RAF1: variants seen among roughly 807,000 people sequenced by gnomAD.
RAF1 encodes the protein Raf-1 proto-oncogene, serine/threonine kinase, also known as RAF proto-oncogene serine/threonine-protein kinase.
Under a neutral mutation model 81.1 loss-of-function variants are expected in RAF1, and 27 were observed. The ratio of observed to expected loss-of-function variants is 0.33; its 90% CI spans 0.25 to 0.46. RAF1 has a LOEUF of 0.46. Ranked by LOEUF, RAF1 falls within the 20% of genes least tolerant of loss-of-function variation. RAF1 has a pLI of 1.00. For missense variants in RAF1, 598 were observed against 826.0 expected (o/e 0.72, Z 3.38); for synonymous variants, 298 against 294.0 (o/e 1.01, Z -0.14).
At chr3:12,633,000 G>A (rs2059907828) in intron 1 of RAF1, among the ~76,000 whole-genome samples, 1 of 152,078 alleles carries the variant, frequency 6.6e-6, no homozygotes, top group African/African-American at 2.4e-5. Context: ...TTTCCCCAGT[G>A]GGGCAACCAA....
intron 1 of RAF1, among the ~76,000 whole-genome samples, chr3:12,649,591 A>T (rs1395607066): frequency 1.6e-4 from 1 of 6,096 alleles, no homozygotes; most frequent in East Asian, 0.033. Flanking sequence ...AGAGACTGTC[A>T]CACACACACA....
chr3:12,631,384 G>T (rs1159102309), intron 1 of RAF1, among the ~76,000 whole-genome samples: 2 of 152,144 alleles, frequency 1.3e-5, no homozygotes, highest in Non-Finnish European at 2.9e-5. Context: ...GGATCAAGAG[G>T]TCAGGAGATC....
chr3:12,593,488 T>C (rs2058587104), intron 11 of RAF1, among the ~76,000 whole-genome samples: 3 of 151,512 alleles, frequency 2.0e-5, no homozygotes, highest in Non-Finnish European at 4.4e-5. Context: ...TTTCAACGAG[T>C]CCCCATGTTT....
At chr3:12,626,739 C>T (rs1223853893) in intron 1 of RAF1, among the ~76,000 whole-genome samples, 1 of 151,596 alleles carries the variant, frequency 6.6e-6, no homozygotes, top group East Asian at 1.9e-4. Flanking sequence ...TTAAAGATAA[C>T]TTCGCCAGGC....
At chr3:12,649,147 A>G (rs1462220013) in intron 1 of RAF1, among the ~76,000 whole-genome samples, 1 of 152,014 alleles carries the variant, frequency 6.6e-6, no homozygotes, top group Non-Finnish European at 1.5e-5. Flanking sequence ...GAAAAAGAAA[A>G]ATTCCCTAGT....
chr3:12,663,034 AT>A (rs1389131750), intron 1 of RAF1, among the ~76,000 whole-genome samples: 1 of 152,086 alleles, frequency 6.6e-6, no homozygotes, highest in Non-Finnish European at 1.5e-5. Flanking sequence ...CCACCACAGA[AT>A]GAATACCAGG....
At position 12,584,788 on chromosome 3, in the gene RAF1, T is replaced by C; in HGVS notation, c.1863+59A>G. ...CAAAACAAAACACTCCCACCTTATA[T>C]TGCCATCTTTACGAACCAACCCATG... is the stretch of plus-strand genomic sequence containing the variant. On this transcript the variant is annotated intron_variant, in intron 17 of 17. Transcript: ENST00000442415. The C allele has an allele frequency of 8.7e-6, 14 of 1,613,864 alleles. No individual in the cohort carries two copies. The South Asian group carries it at 1.2e-4, about 14-fold the overall frequency.
chr3:12,587,206 A>G (rs1260844223), intron 14 of RAF1: 4 of 226,402 alleles, frequency 1.8e-5, no homozygotes, highest in African/African-American at 9.2e-5. Flanking sequence ...TCCACATAAC[A>G]AGCAGATAGA....
Position 12,661,456 on chromosome 3 carries a change from C to A in RAF1, c.-27+2357G>T, listed in dbSNP as rs142539951. Among the ~76,000 whole-genome samples the A allele has an allele frequency of 1.7e-3, 254 of 152,084 alleles. 2 individuals carry two copies. Among genetic ancestry groups the A allele is most frequent in the Non-Finnish European group, 2.5e-3 (167 of 67,986 alleles). On this transcript the variant is annotated intron_variant, in intron 1 of 17. Coordinates refer to ENST00000442415, the MANE Select transcript of RAF1 (RefSeq NM_001354689.3). ...CAGTGGCTCATGCCTGTAATCCCAGCGAGGCCGTGGGAGGCCGAGGTGGGC... is the reference window on the plus strand; with the variant it reads ...CAGTGGCTCATGCCTGTAATCCCAGAGAGGCCGTGGGAGGCCGAGGTGGGC...
At chr3:12,635,859 G>C (rs1483143061) in intron 1 of RAF1, among the ~76,000 whole-genome samples, 1 of 151,362 alleles carries the variant, frequency 6.6e-6, no homozygotes, top group Non-Finnish European at 1.5e-5. Flanking sequence ...TGTAGTCCCA[G>C]CTACTCAGGA....
chr3:12,585,589 A>G (rs1202340255), intron 15 of RAF1, 92 bp downstream of exon 14: 4 of 1,386,992 alleles, frequency 2.9e-6, no homozygotes, highest in Non-Finnish European at 4.1e-6. Context: ...TTTCGGGGAA[A>G]TGTACAGAAA....
chr3:12,656,718 C>T (rs560222063), intron 1 of RAF1, among the ~76,000 whole-genome samples: 1 of 152,150 alleles, frequency 6.6e-6, no homozygotes, highest in Non-Finnish European at 1.5e-5. Flanking sequence ...TTCAACTTGG[C>T]CACTGCGGTG....
chr3:12,597,388 G>A, intron 11 of RAF1, among the ~76,000 whole-genome samples: 1 of 152,304 alleles, frequency 6.6e-6, no homozygotes, highest in East Asian at 1.9e-4. Context: ...TGCGCAACCA[G>A]AGGAAAATTA....
chr3:12,653,898 A>G (rs1306630458), intron 1 of RAF1, among the ~76,000 whole-genome samples: 4 of 152,206 alleles, frequency 2.6e-5, no homozygotes, highest in African/African-American at 7.2e-5. Context: ...ATTATAATAA[A>G]AAGTTGAACT....
chr3:12,648,542 G>A (rs942827577), intron 1 of RAF1, among the ~76,000 whole-genome samples: 2 of 152,154 alleles, frequency 1.3e-5, no homozygotes, highest in African/African-American at 4.8e-5. Context: ...CTCAAGAGAA[G>A]AGGTATTCCC....
At chr3:12,601,547 CA>C (rs2058862223) in intron 8 of RAF1, among the ~76,000 whole-genome samples, 1 of 152,074 alleles carries the variant, frequency 6.6e-6, no homozygotes. Flanking sequence ...TAAAAAAGGA[CA>C]TTTTTTGGGG....
chr3:12,641,920 T>C (rs745829098), intron 1 of RAF1, among the ~76,000 whole-genome samples: 1 of 151,760 alleles, frequency 6.6e-6, no homozygotes, highest in Non-Finnish European at 1.5e-5. Context: ...CTGAGGCAGG[T>C]GGATCATCTG....
At chr3:12,623,142 T>C (rs1245537077) in intron 1 of RAF1, among the ~76,000 whole-genome samples, 1 of 152,214 alleles carries the variant, frequency 6.6e-6, no homozygotes, top group Admixed American at 6.5e-5. Context: ...CTTGAACTCC[T>C]AGGCTCAAGC....
At chr3:12,624,885 C>CAAAA (rs11298876) in intron 1 of RAF1, among the ~76,000 whole-genome samples, 78 of 111,692 alleles carry the variant, frequency 7.0e-4, no homozygotes, top group African/African-American at 2.7e-3. Context: ...GACTCCAACT[C>CAAAA]AAAAAAAAAA....
Sources: gnomAD v4.1 joint callset for allele counts (sites outside exome capture counted in the v4.1 genomes callset) on GRCh38, gnomAD v4.1.1 for gene constraint, MANE v1.5 for transcripts, NCBI Gene and HGNC (gene_info 2026-07-23, HGNC 2026-07-21) for gene names.